ZMYND11: variants seen among roughly 807,000 people sequenced by gnomAD.
ZMYND11 encodes zinc finger MYND-type containing 11.
ZMYND11 carries 9 observed loss-of-function variants against 84.9 expected under a neutral mutation model. That is an observed-to-expected ratio of 0.11 (90% CI 0.06 to 0.18). The LOEUF (loss-of-function observed/expected upper bound fraction) is 0.18. Ranked by LOEUF, ZMYND11 falls within the 10% of genes least tolerant of loss-of-function variation. The pLI, the probability that ZMYND11 is intolerant of heterozygous loss-of-function variation, is 1.00. For synonymous variants in ZMYND11, 250 were observed against 244.1 expected, an observed-to-expected ratio of 1.02 and a Z score of -0.23; for missense variants, 409 against 761.0, an observed-to-expected ratio of 0.54 and a Z score of 5.44.
chr10:251,950 C>T (rs1037662556), intron 14 of ZMYND11, among the ~76,000 whole-genome samples: 12 of 152,106 alleles, frequency 7.9e-5, no homozygotes, highest in African/African-American at 2.9e-4. Flanking sequence ...AAGACTGCAG[C>T]GTATGTTAAC....
intron 4 of ZMYND11, among the ~76,000 whole-genome samples, chr10:228,224 G>A (rs1948451393): frequency 6.6e-6 from 1 of 152,198 alleles, no homozygotes; most frequent in African/African-American, 2.4e-5. Flanking sequence ...ATAATTTACT[G>A]TATTACCTTC....
In ZMYND11 at chr10:136,379, G is replaced by A. The variant is rs905881727; in HGVS notation, c.-20+820G>A. 2.6e-5 allele frequency among the ~76,000 whole-genome samples: 4 copies of A among 152,202 alleles called. No individual in the cohort carries two copies. In the East Asian group the frequency reaches 7.7e-4, roughly 29 times the overall value. ...TGACCGCCGTACCTGTTTTATTCGT[G>A]TGTACCAGTGCTCGTTGTGCAGTGC... On this transcript the variant is annotated intron_variant, in intron 1 of 14. Coordinates refer to ENST00000381604, the MANE Select transcript of ZMYND11 (RefSeq NM_001370100.5).
intron 1 of ZMYND11, among the ~76,000 whole-genome samples, chr10:162,121 G>A (rs1344337203): frequency 1.3e-5 from 2 of 152,124 alleles, no homozygotes; most frequent in South Asian, 2.1e-4. Flanking sequence ...TTAATGCGCC[G>A]GATTTCATTA....
chr10:189,731 T>G (rs1939811654), intron 2 of ZMYND11, among the ~76,000 whole-genome samples: 2 of 152,146 alleles, frequency 1.3e-5, no homozygotes, highest in Admixed American at 6.5e-5. Context: ...TGCATGTCTA[T>G]GAAGAAAAAC....
At chr10:241,702 T>A (rs1323008038) in intron 9 of ZMYND11, among the ~76,000 whole-genome samples, 1 of 151,920 alleles carries the variant, frequency 6.6e-6, no homozygotes. Flanking sequence ...TTTCCCCATT[T>A]CTAACAAATT....
chr10:239,291 T>C (rs765307200), intron 6 of ZMYND11, 147 bp from the exon 7 acceptor site: 1 of 640,970 alleles, frequency 1.6e-6, no homozygotes, highest in Non-Finnish European at 2.7e-6. Context: ...TGTTGGCTTC[T>C]TTTACACACA....
At chr10:203,122 A>T (rs916264615) in intron 2 of ZMYND11, among the ~76,000 whole-genome samples, 1 of 152,214 alleles carries the variant, frequency 6.6e-6, no homozygotes, top group Admixed American at 6.5e-5. Context: ...GTCATGTTTA[A>T]TGGTGAACTG....
intron 8 of ZMYND11, 89 bp from the exon 9 acceptor site, chr10:240,804 G>C: frequency 1.0e-6 from 1 of 997,122 alleles, no homozygotes; most frequent in South Asian, 1.6e-5. Context: ...ATTTATATAC[G>C]TGAATGTTAA....
At position 248,560 on chromosome 10, in the gene ZMYND11, G is replaced by A. The variant is rs372930273; in HGVS notation, c.1452G>A (p.Ser484=). The part of the protein sequence containing the change: ...IFNDFKDRMK[S]DHKRETERVV... ...ATGACTTCAAAGACCGGATGAAGTC[G>A]GACCACAAGCGGGAGACAGAGCGTG... Residue 484 remains serine (S), a synonymous_variant, in exon 13 of 15, where the codon TCG becomes TCA. Transcript: ENST00000381604. 1.6e-5 allele frequency: 26 copies of A among 1,613,374 alleles called. No homozygotes were observed. The highest frequency in any genetic ancestry group is 1.6e-4 in the Middle Eastern group (1 of 6,084).
intron 4 of ZMYND11, among the ~76,000 whole-genome samples, chr10:228,099 A>G (rs1948430097): frequency 6.6e-6 from 1 of 152,216 alleles, no homozygotes; most frequent in South Asian, 2.1e-4. Context: ...ATCAGAGGAA[A>G]AAATAATGGG....
chr10:162,306 A>G (rs558856381), intron 1 of ZMYND11, among the ~76,000 whole-genome samples: 209 of 152,348 alleles, frequency 1.4e-3, no homozygotes, highest in Non-Finnish European at 2.4e-3. Context: ...ACAGATCACC[A>G]TAACTCAATA....
intron 4 of ZMYND11, among the ~76,000 whole-genome samples, chr10:226,605 T>G (rs1447927958): frequency 2.6e-5 from 4 of 152,166 alleles, no homozygotes; most frequent in Admixed American, 6.5e-5. Context: ...GAAATAGAAT[T>G]TAGGGCTTTA....
intron 2 of ZMYND11, among the ~76,000 whole-genome samples, chr10:205,022 G>A (rs1018539064): frequency 6.6e-6 from 1 of 151,988 alleles, no homozygotes; most frequent in Non-Finnish European, 1.5e-5. Flanking sequence ...GCTTTCCTAT[G>A]ATTGTGCACT....
intron 2 of ZMYND11, among the ~76,000 whole-genome samples, chr10:196,370 T>G (rs1191816265): frequency 6.6e-6 from 1 of 152,222 alleles, no homozygotes; most frequent in Admixed American, 6.5e-5. Context: ...ACCTAGTTAT[T>G]TGGCTTTTAA....
At chr10:157,063 A>G (rs901326492) in intron 1 of ZMYND11, among the ~76,000 whole-genome samples, 3 of 152,252 alleles carry the variant, frequency 2.0e-5, no homozygotes, top group African/African-American at 7.2e-5. Flanking sequence ...ACTGCATACC[A>G]TAGTGAACTT....
chr10:240,574 T>C (rs774179579), intron 8 of ZMYND11, among the ~76,000 whole-genome samples: 3 of 152,202 alleles, frequency 2.0e-5, no homozygotes, highest in African/African-American at 7.2e-5. Context: ...ACTGCTGTGA[T>C]TGGCAGCAGA....
intron 14 of ZMYND11, chr10:249,843 A>G: frequency 2.3e-6 from 2 of 874,794 alleles, no homozygotes; most frequent in Non-Finnish European, 2.7e-6. Flanking sequence ...TAAGCTTTTC[A>G]TGAAAGAAAT....
intron 4 of ZMYND11, among the ~76,000 whole-genome samples, chr10:225,587 A>G (rs1589090986): frequency 6.6e-6 from 1 of 151,898 alleles, no homozygotes; most frequent in South Asian, 2.1e-4. Flanking sequence ...AGTTCGAGTG[A>G]CCCTCCTGCC....
chr10:239,849 A>G (rs1950585139), intron 7 of ZMYND11: 1 of 558,906 alleles, frequency 1.8e-6, no homozygotes, highest in Non-Finnish European at 3.1e-6. Context: ...AGGTAAGGTC[A>G]TTCTCTATAC....
Sources: allele counts gnomAD v4.1 joint callset (sites outside exome capture counted in the v4.1 genomes callset), GRCh38; gene constraint gnomAD v4.1.1; transcripts MANE v1.5; gene names NCBI Gene and HGNC (gene_info 2026-07-23, HGNC 2026-07-21).